The following RGMA variants were observed in gnomAD, a reference collection of about 807,000 sequenced individuals.
RGMA encodes the protein repulsive guidance molecule A.
RGMA carries 10 observed loss-of-function variants against 23.2 expected under a neutral mutation model. The observed-to-expected ratio is 0.43, with a 90% confidence interval of 0.27 to 0.73. RGMA has a LOEUF of 0.73. Ranked by LOEUF, RGMA falls within the 30% of genes least tolerant of loss-of-function variation. The probability of loss-of-function intolerance (pLI) is 0.20; values close to 1 mark genes in which losing one functional copy is unlikely to be tolerated. For synonymous variants in RGMA, 308 were observed against 279.3 expected (o/e 1.10, Z -1.03); for missense variants, 547 against 630.5 (o/e 0.87, Z 1.42).
intron 3 of RGMA, among the ~76,000 whole-genome samples, chr15:93,050,319 C>A (rs1418183318): frequency 6.6e-6 from 1 of 152,164 alleles, no homozygotes; most frequent in Non-Finnish European, 1.5e-5. Context: ...CGGGGGCAGG[C>A]CAAAGGTGCC....
chr15:93,073,307 C>T, intron 1 of RGMA: 2 of 503,684 alleles, frequency 4.0e-6, no homozygotes, highest in Non-Finnish European at 5.1e-6. Flanking sequence ...TAGCCGGAGG[C>T]GGCCGGGCGG....
At chr15:93,073,661 C>T in intron 1 of RGMA, 1 of 1,537,278 alleles carries the variant, frequency 6.5e-7, no homozygotes, top group Non-Finnish European at 8.7e-7. Context: ...GAAAAACCCA[C>T]TTCCGAGTTG....
intron 3 of RGMA, among the ~76,000 whole-genome samples, chr15:93,050,725 G>A (rs1459182908): frequency 2.0e-5 from 3 of 152,212 alleles, no homozygotes; most frequent in Non-Finnish European, 4.4e-5. Context: ...CTGGGGTCTG[G>A]AGGAGCGAGC....
Position 93,039,627 on chromosome 15 carries a change from C to A in RGMA, c.*5371G>T, listed in dbSNP as rs373254198. 2.0e-5 allele frequency: 3 copies of A among 151,906 alleles called. No homozygotes were observed. Among genetic ancestry groups the A allele is most frequent in the African/African-American group, 7.3e-5 (3 of 41,300 alleles). The allele number at this position is 151,906 out of a possible 1,614,324, so 9.4% of individuals were successfully genotyped here. A position where few individuals can be genotyped will look rare whatever the true frequency, so the allele number is the denominator to read the frequency against. ...GTTCTCATTGTTCAACTCCCACTTA[C>A]GAGTGAGAACATGCGGTGTTTGGTT... On this transcript the variant is annotated 3_prime_UTR_variant, in exon 4 of 4. Transcript: ENST00000329082.
intron 3 of RGMA, among the ~76,000 whole-genome samples, chr15:93,050,918 G>A (rs1275905838): frequency 6.6e-6 from 1 of 152,324 alleles, no homozygotes; most frequent in East Asian, 1.9e-4. Context: ...AGGGCGGGTG[G>A]TGGGGAGGTG....
At chr15:93,081,523 C>T (rs1170786545) in intron 1 of RGMA, among the ~76,000 whole-genome samples, 3 of 152,184 alleles carry the variant, frequency 2.0e-5, no homozygotes, top group Non-Finnish European at 4.4e-5. Context: ...ACAAGACACA[C>T]CAGGTTCCCG....
intron 2 of RGMA, among the ~76,000 whole-genome samples, chr15:93,056,398 GC>G (rs34679135): frequency 0.4 from 60,576 of 151,816 alleles, 12,338 homozygotes; most frequent in East Asian, 0.61. Flanking sequence ...GCTAAGAAGC[GC>G]CTGAGACGAG....
intron 1 of RGMA, among the ~76,000 whole-genome samples, chr15:93,081,214 C>A (rs2141847874): frequency 6.6e-6 from 1 of 152,266 alleles, no homozygotes; most frequent in South Asian, 2.1e-4. Flanking sequence ...CTCCAACCTC[C>A]AGAGTCCTGT....
chr15:93,055,444 G>A (rs917900179), intron 2 of RGMA, among the ~76,000 whole-genome samples: 1 of 152,132 alleles, frequency 6.6e-6, no homozygotes, highest in African/African-American at 2.4e-5. Flanking sequence ...TTCCCGGTGC[G>A]ACTGCCATCC....
intron 1 of RGMA, among the ~76,000 whole-genome samples, chr15:93,088,114 G>T (rs184488746): frequency 9.2e-5 from 14 of 152,242 alleles, no homozygotes; most frequent in African/African-American, 3.4e-4. Flanking sequence ...CCACATAATA[G>T]CAGCTCACAG....
chr15:93,067,250 T>TA (rs1420452082), intron 2 of RGMA, among the ~76,000 whole-genome samples: 8 of 151,942 alleles, frequency 5.3e-5, no homozygotes, highest in Admixed American at 5.2e-4. Context: ...CAGAAAAAAT[T>TA]ATTTTGGAAA....
chr15:93,081,959 G>A (rs1895565515), intron 1 of RGMA, among the ~76,000 whole-genome samples: 1 of 152,170 alleles, frequency 6.6e-6, no homozygotes, highest in Non-Finnish European at 1.5e-5. Flanking sequence ...TATTACAGAG[G>A]CAATATAGCA....
intron 2 of RGMA, among the ~76,000 whole-genome samples, chr15:93,071,774 C>A (rs1325442129): frequency 1.3e-5 from 2 of 152,234 alleles, no homozygotes; most frequent in African/African-American, 4.8e-5. Context: ...CAATCCGAGT[C>A]TAAACTCAAG....
intron 3 of RGMA, 82 bp downstream of exon 3, chr15:93,051,911 A>G: frequency 7.1e-7 from 1 of 1,399,538 alleles, no homozygotes. Flanking sequence ...CAGGCACCCG[A>G]GGCCCTCTCA....
In RGMA at chr15:93,043,386, A is replaced by AAAAC. The variant is rs1464546370; in HGVS notation, c.*1608_*1611dup. On this transcript the variant is annotated 3_prime_UTR_variant, in exon 4 of 4. Transcript: ENST00000329082. The stretch of plus-strand genomic sequence containing the variant: ...CTCAAGGGAGCCAAAGTCTGTTCAG[A>AAAAC]AAACAAACTCCAACACGTCTAAAAG... 2 of 152,556 alleles carry AAAAC rather than the reference A, an allele frequency of 1.3e-5. No homozygotes were observed. Among genetic ancestry groups the AAAAC allele is most frequent in the East Asian group, 3.9e-4 (2 of 5,194 alleles). 9.5% of individuals were successfully genotyped at this position (152,556 alleles called of 1,614,324 possible). A position where few individuals can be genotyped will look rare whatever the true frequency, so the allele number is the denominator to read the frequency against.
chr15:93,072,108 TC>T lies in RGMA; in HGVS notation c.130+807del, dbSNP rs998164259. 1.7e-4 allele frequency among the ~76,000 whole-genome samples: 26 copies of T among 150,426 alleles called. No homozygotes were observed. The Middle Eastern group carries it at 0.014, about 82-fold the overall frequency. ...GGATTTAAGTTGCATGCCTCCCCCC[TC>T]CCCCCGAAAGGAAAAAAAGTAAAGA... On this transcript the variant is annotated intron_variant, in intron 2 of 3. Coordinates refer to ENST00000329082, the MANE Select transcript of RGMA (RefSeq NM_020211.3).
chr15:93,066,000 T>G, intron 2 of RGMA: 1 of 1,301,720 alleles, frequency 7.7e-7, no homozygotes, highest in Non-Finnish European at 1.1e-6. Flanking sequence ...CTTTGGCCCG[T>G]TCCCCTTCTC....
At position 93,044,770 on chromosome 15, in the gene RGMA, C is replaced by T; in HGVS notation, c.*228G>A. 1.7e-6 allele frequency: 1 copy of T among 580,004 alleles called. No homozygotes were observed. The allele number at this position is 580,004 out of a possible 1,614,324, so 35.9% of individuals were successfully genotyped here. A position where few individuals can be genotyped will look rare whatever the true frequency, so the allele number is the denominator to read the frequency against. ...GGGCGGGGCGAGGGGAGCTGCTCTC[C>T]CTCTCACACAGCTCTACTGTCAAAC... On this transcript the variant is annotated 3_prime_UTR_variant, in exon 4 of 4. Coordinates refer to ENST00000329082, the MANE Select transcript of RGMA (RefSeq NM_020211.3).
chr15:93,045,940 G>C lies in RGMA; in HGVS notation c.646-235C>G, dbSNP rs780498414. On this transcript the variant is annotated intron_variant, in intron 3 of 3. Coordinates refer to ENST00000329082, the MANE Select transcript of RGMA (RefSeq NM_020211.3). The surrounding 1 kb of genome is among the most constrained non-coding windows in gnomAD (Gnocchi z 6.9). ...TAAAAAGTGACTTAGAAAAATGTTA[G>C]ACCACTACCCTAAGTAGAAAACTAG... is the stretch of plus-strand genomic sequence containing the variant. Among the ~76,000 whole-genome samples the C allele has an allele frequency of 5.9e-5, 9 of 152,188 alleles. No homozygotes were observed. Among genetic ancestry groups the C allele is most frequent in the African/African-American group, 1.2e-4 (5 of 41,448 alleles).
Sources: allele counts gnomAD v4.1 joint callset (sites outside exome capture counted in the v4.1 genomes callset), GRCh38; gene constraint gnomAD v4.1.1; non-coding constraint Gnocchi (gnomAD v3.1); transcripts MANE v1.5; gene names NCBI Gene and HGNC (gene_info 2026-07-23, HGNC 2026-07-21).